The following DPP6 variants were observed in gnomAD, a reference collection of about 807,000 sequenced individuals.
DPP6 encodes the protein A-type potassium channel modulatory protein DPP6.
A neutral mutation model predicts 122.6 loss-of-function variants in DPP6; 69 were observed. The ratio of observed to expected loss-of-function variants is 0.56; its 90% CI spans 0.46 to 0.69. The LOEUF (loss-of-function observed/expected upper bound fraction) is 0.69. Among genes scored for constraint, DPP6 ranks in the 30% least tolerant of loss-of-function variants. DPP6 has a pLI of 0.00. For synonymous variants in DPP6, 418 were observed against 433.1 expected (o/e 0.97, Z 0.43); for missense variants, 928 against 1,116.9 (o/e 0.83, Z 2.41).
intron 21 of DPP6, chr7:154,883,836 C>T (rs1425303994): frequency 1.4e-5 from 2 of 146,496 alleles, no homozygotes; most frequent in Admixed American, 6.8e-5. Flanking sequence ...TACACCTGCT[C>T]ACCCATACAC....
chr7:154,538,089 T>TA (rs1424060186), intron 3 of DPP6, among the ~76,000 whole-genome samples: 2 of 151,988 alleles, frequency 1.3e-5, no homozygotes, highest in Non-Finnish European at 2.9e-5. Context: ...AAATATGTGA[T>TA]AAAACTGTTA....
At chr7:154,888,368 T>C (rs1224492739) in intron 23 of DPP6, among the ~76,000 whole-genome samples, 2 of 152,094 alleles carry the variant, frequency 1.3e-5, no homozygotes, top group Non-Finnish European at 2.9e-5. Flanking sequence ...GGATTACAGG[T>C]ATGAGCCACC....
At chr7:154,014,862 G>A (rs556812831) in intron 1 of DPP6, among the ~76,000 whole-genome samples, 1 of 151,892 alleles carries the variant, frequency 6.6e-6, no homozygotes, top group East Asian at 2.0e-4. Context: ...AGTCACTAAG[G>A]ATCCCATTAA....
At chr7:153,860,887 C>T in the DPP6 span, among the ~76,000 whole-genome samples, 1 of 152,250 alleles carries the variant, frequency 6.6e-6, no homozygotes, top group African/African-American at 2.4e-5. Context: ...ACACCTAGTA[C>T]CTAAACAAAG....
At chr7:154,007,585 G>A (rs1346281777) in intron 1 of DPP6, among the ~76,000 whole-genome samples, 3 of 152,146 alleles carry the variant, frequency 2.0e-5, no homozygotes, top group South Asian at 4.1e-4. Flanking sequence ...AGATGAGGCC[G>A]CAAGTACTTA....
In DPP6 at chr7:154,540,521, C is replaced by G. The variant is rs1374048327; in HGVS notation, c.458-11C>G. 1.3e-6 allele frequency: 2 copies of G among 1,562,744 alleles called. No homozygotes were observed. The highest frequency in any genetic ancestry group is 1.8e-6 in the Non-Finnish European group (2 of 1,137,568). ...GTTTCATGTGGTTTTTTTCTACTTC[C>G]TCTCTTACAGATACAGAATTCATCT... On this transcript the variant is annotated splice_polypyrimidine_tract_variant and intron_variant, in intron 3 of 25. Coordinates refer to ENST00000377770, the MANE Select transcript of DPP6 (RefSeq NM_130797.4).
At chr7:153,910,496 C>A (rs894939361) in intron 1 of DPP6, among the ~76,000 whole-genome samples, 3 of 152,112 alleles carry the variant, frequency 2.0e-5, no homozygotes, top group Non-Finnish European at 4.4e-5. Flanking sequence ...AGGGCTCAAG[C>A]ATCATTCTTC....
At position 154,885,612 on chromosome 7, in the gene DPP6, TTC is replaced by T. The variant is rs751185119; in HGVS notation, c.2134-15_2134-14del. 2.5e-5 allele frequency: 39 copies of T among 1,555,212 alleles called. No homozygotes were observed. The South Asian group carries it at 4.0e-4, about 16-fold the overall frequency. On this transcript the variant is annotated intron_variant, in intron 21 of 25. Transcript: ENST00000377770. ...GTTACTGCCAGGACTCCTAACTGTC[TTC>T]TCTCTGCGCTTTCTCCAGGATTACG... is the stretch of plus-strand genomic sequence containing the variant.
In DPP6 at chr7:154,062,807, C is replaced by T. The variant is rs1362246535; in HGVS notation, c.243+9744C>T. On this transcript the variant is annotated intron_variant, in intron 1 of 25. Transcript: ENST00000377770. ...CCACTGGCTCTTAGGACCCCCATCG[C>T]AGAGGGGGGAGGCACCCCCCGCGAG... is the stretch of plus-strand genomic sequence containing the variant. Among the ~76,000 whole-genome samples the T allele has an allele frequency of 3.4e-5, 4 of 117,910 alleles. 1 individual carries two copies. Among genetic ancestry groups the T allele is most frequent in the Non-Finnish European group, 7.2e-5 (4 of 55,862 alleles). 77.4% of individuals were successfully genotyped at this position (117,910 alleles called of 152,430 possible).
At chr7:154,275,322 G>T (rs542906795) in intron 1 of DPP6, among the ~76,000 whole-genome samples, 2 of 152,280 alleles carry the variant, frequency 1.3e-5, no homozygotes, top group South Asian at 4.1e-4. Context: ...CTCCCCATGG[G>T]TTTCCCTTGA....
At chr7:154,129,768 T>C (rs768447617) in intron 1 of DPP6, among the ~76,000 whole-genome samples, 1 of 151,764 alleles carries the variant, frequency 6.6e-6, no homozygotes, top group Admixed American at 6.6e-5. Context: ...GGCGTGGTGG[T>C]GGGCACCTGT....
At chr7:154,198,539 C>G (rs915769180) in intron 1 of DPP6, among the ~76,000 whole-genome samples, 3 of 152,040 alleles carry the variant, frequency 2.0e-5, no homozygotes, top group African/African-American at 7.2e-5. Flanking sequence ...GTCTTGAACT[C>G]CTGACTTCAA....
chr7:154,880,975 T>G (rs1563318560), intron 21 of DPP6, 33 bp downstream of exon 21: 1 of 1,612,352 alleles, frequency 6.2e-7, no homozygotes, highest in South Asian at 1.1e-5. Flanking sequence ...TGAAAACCCC[T>G]CAGTTCCAGT....
intron 1 of DPP6, among the ~76,000 whole-genome samples, chr7:154,108,412 A>G (rs1268587337): frequency 2.6e-5 from 4 of 152,224 alleles, no homozygotes; most frequent in African/African-American, 9.6e-5. Flanking sequence ...GTGTTAAAGT[A>G]TCACTCCAGG....
chr7:154,853,671 G>A, intron 16 of DPP6, 109 bp from the exon 17 acceptor site: 1 of 1,471,482 alleles, frequency 6.8e-7, no homozygotes, highest in Admixed American at 2.2e-5. Flanking sequence ...GGGTTCTCCA[G>A]GCTCCGCACG....
chr7:154,330,327 A>T (rs541457621), intron 1 of DPP6, among the ~76,000 whole-genome samples: 15 of 152,204 alleles, frequency 9.9e-5, no homozygotes, highest in Non-Finnish European at 1.6e-4. Context: ...TATTGGGTCG[A>T]GGGAGAAAAG....
chr7:153,795,404 A>G, the DPP6 span, among the ~76,000 whole-genome samples: 1 of 152,192 alleles, frequency 6.6e-6, no homozygotes, highest in Non-Finnish European at 1.5e-5. Flanking sequence ...ACAGAGTGAG[A>G]CTATCTCAAA....
chr7:154,334,128 G>A (rs1293389151), intron 1 of DPP6, among the ~76,000 whole-genome samples: 1 of 151,766 alleles, frequency 6.6e-6, no homozygotes, highest in Non-Finnish European at 1.5e-5. Flanking sequence ...TTAAATATGG[G>A]CTGACCAAAT....
At chr7:154,639,448 T>C (rs534712028) in intron 6 of DPP6, among the ~76,000 whole-genome samples, 42 of 152,348 alleles carry the variant, frequency 2.8e-4, no homozygotes, top group African/African-American at 9.6e-4. Context: ...GCCTTGAGAT[T>C]TATCTGCCCC....
Sources: gnomAD v4.1 joint callset for allele counts (sites outside exome capture counted in the v4.1 genomes callset) on GRCh38, gnomAD v4.1.1 for gene constraint, MANE v1.5 for transcripts, NCBI Gene and HGNC (gene_info 2026-07-23, HGNC 2026-07-21) for gene names.